The following IGF1 variants were observed in gnomAD, a reference collection of about 807,000 sequenced individuals.
IGF1 encodes insulin like growth factor 1.
In IGF1, 4 loss-of-function variants were observed where a neutral mutation model predicts 13.8. That is an observed-to-expected ratio of 0.29 (90% CI 0.14 to 0.66). The LOEUF (loss-of-function observed/expected upper bound fraction) is 0.66. Ranked by LOEUF, IGF1 falls within the 30% of genes least tolerant of loss-of-function variation. The probability of loss-of-function intolerance (pLI) is 0.78; values close to 1 mark genes in which losing one functional copy is unlikely to be tolerated. For missense variants in IGF1, 124 were observed against 188.5 expected (o/e 0.66, Z 2.00); for synonymous variants, 76 against 72.6 (o/e 1.05, Z -0.23).
intron 2 of IGF1, among the ~76,000 whole-genome samples, chr12:102,446,948 G>T (rs1818302076): frequency 6.6e-6 from 1 of 152,016 alleles, no homozygotes; most frequent in Non-Finnish European, 1.5e-5. Context: ...TGGTTTCTAA[G>T]AACTTATTTA....
At chr12:102,413,463 C>T (rs1355521492) in intron 3 of IGF1, among the ~76,000 whole-genome samples, 1 of 152,152 alleles carries the variant, frequency 6.6e-6, no homozygotes, top group Non-Finnish European at 1.5e-5. Flanking sequence ...AGGGGAATTG[C>T]TCTTTGGGAG....
chr12:102,464,305 G>C (rs1413673425), intron 2 of IGF1, among the ~76,000 whole-genome samples: 1 of 142,056 alleles, frequency 7.0e-6, no homozygotes. Flanking sequence ...AAGTAGACTT[G>C]TTGACTTTTT....
rs376414192 is a variant in IGF1 at position 102,475,743 on chromosome 12, G to A, written c.120C>T (p.Leu40=). ...SHLFYLALCL[L]TFTSSATAGP... ...CAGCCGTGGCAGAGCTGGTGAAGGT[G>A]AGCAGGCACAGCGCCAGGTAGAAGA... Residue 40 remains leucine, a synonymous_variant, in exon 2 of 4, where the codon CTC becomes CTT. Transcript: ENST00000337514. The A allele has an allele frequency of 7.4e-6, 12 of 1,614,082 alleles. No individual in the cohort carries two copies. The highest frequency in any genetic ancestry group is 2.2e-5 in the East Asian group (1 of 44,892).
chr12:102,465,620 G>A (rs1051554750), intron 2 of IGF1, among the ~76,000 whole-genome samples: 1 of 152,194 alleles, frequency 6.6e-6, no homozygotes, highest in Non-Finnish European at 1.5e-5. Context: ...TGCCTGACAA[G>A]GGAACAGCCA....
intron 2 of IGF1, among the ~76,000 whole-genome samples, chr12:102,469,263 A>G (rs367851614): frequency 1.8e-4 from 27 of 152,190 alleles, no homozygotes; most frequent in Admixed American, 1.8e-3. Flanking sequence ...CCCAAGAAAA[A>G]GTTTGGTCCA....
At chr12:102,418,260 CA>C (rs1467359267) in intron 3 of IGF1, among the ~76,000 whole-genome samples, 2 of 152,246 alleles carry the variant, frequency 1.3e-5, no homozygotes, top group Admixed American at 1.3e-4. Context: ...TTTGCCCCAG[CA>C]AGCACGCTTT....
rs771539291 is a variant in IGF1 at position 102,418,036 on chromosome 12, A to G, written c.402+1473T>C. On this transcript the variant is annotated intron_variant, in intron 3 of 3. Transcript: ENST00000337514. ...CATCACAAAAATAATTGCATTGAGA[A>G]CAAGTGGTTCCCATGGTGTCCCTTT... The G allele has an allele frequency of 2.0e-4, 320 of 1,602,112 alleles. 1 individual carries two copies. Among genetic ancestry groups the G allele is most frequent in the Non-Finnish European group, 2.7e-4 (317 of 1,176,652 alleles).
rs927633724 is a variant in IGF1 at position 102,397,907 on chromosome 12, G to A, written c.*4600C>T. The A allele has an allele frequency of 1.3e-5, 2 of 152,104 alleles. No homozygotes were observed. Among genetic ancestry groups the A allele is most frequent in the Non-Finnish European group, 2.9e-5 (2 of 67,992 alleles). 9.4% of individuals were successfully genotyped at this position (152,104 alleles called of 1,614,324 possible). A position where few individuals can be genotyped will look rare whatever the true frequency, so the allele number is the denominator to read the frequency against. On this transcript the variant is annotated 3_prime_UTR_variant, in exon 4 of 4. Coordinates refer to ENST00000337514, the MANE Select transcript of IGF1 (RefSeq NM_000618.5). ...GCACAATCTTTTAAGATTAAAAATA[G>A]CAAAACATTTTAAATAGTCTGATTA...
intron 2 of IGF1, among the ~76,000 whole-genome samples, chr12:102,425,143 A>G (rs568663036): frequency 7.9e-5 from 12 of 152,216 alleles, no homozygotes; most frequent in Non-Finnish European, 1.2e-4. Flanking sequence ...ATTTTCTAAT[A>G]TATCTATTGC....
In IGF1 at chr12:102,401,387, C is replaced by T. The variant is rs1208983972; in HGVS notation, c.*1120G>A. 6.6e-6 allele frequency: 1 copy of T among 152,578 alleles called. No individual in the cohort carries two copies. Among genetic ancestry groups the T allele is most frequent in the Admixed American group, 6.6e-5 (1 of 15,266 alleles). 9.5% of individuals were successfully genotyped at this position (152,578 alleles called of 1,614,324 possible). On this transcript the variant is annotated 3_prime_UTR_variant, in exon 4 of 4. Transcript: ENST00000337514. The stretch of plus-strand genomic sequence containing the variant: ...CTTTTTCCATTCCACAGTTTCCTCT[C>T]TGGACTCGCCAGTCCAATTTGCATC...
intron 2 of IGF1, among the ~76,000 whole-genome samples, chr12:102,454,146 C>T (rs1879189064): frequency 1.3e-5 from 2 of 152,212 alleles, no homozygotes; most frequent in South Asian, 4.1e-4. Flanking sequence ...ATGTGCTCTT[C>T]TATTGAGTTA....
intron 3 of IGF1, chr12:102,417,576 T>A (rs997066462): frequency 1.4e-4 from 175 of 1,222,128 alleles, no homozygotes; most frequent in South Asian, 5.7e-4. Context: ...TTTTTATTTT[T>A]TTTTTTCATT....
intron 2 of IGF1, among the ~76,000 whole-genome samples, chr12:102,449,517 C>T (rs903257886): frequency 1.3e-5 from 2 of 151,674 alleles, no homozygotes; most frequent in African/African-American, 2.4e-5. Context: ...ACATTCTGCA[C>T]GTTTCCCAGA....
chr12:102,476,767 C>T (rs973531565), intron 1 of IGF1, among the ~76,000 whole-genome samples: 1 of 152,196 alleles, frequency 6.6e-6, no homozygotes, highest in Non-Finnish European at 1.5e-5. Flanking sequence ...CCCTGGTTGG[C>T]ATGACTTAGT....
At chr12:102,405,918 A>G (rs1035606462) in intron 3 of IGF1, among the ~76,000 whole-genome samples, 1 of 152,242 alleles carries the variant, frequency 6.6e-6, no homozygotes, top group Non-Finnish European at 1.5e-5. Flanking sequence ...TTTGTCTCCA[A>G]TAGAGAGATT....
chr12:102,458,730 C>CAAAA (rs397825972), intron 2 of IGF1, among the ~76,000 whole-genome samples: 1 of 73,428 alleles, frequency 1.4e-5, no homozygotes, highest in Non-Finnish European at 2.4e-5. Context: ...GAACACTGAC[C>CAAAA]AAAAAAAAAA....
chr12:102,437,135 G>GA (rs1877318084), intron 2 of IGF1, among the ~76,000 whole-genome samples: 1 of 152,232 alleles, frequency 6.6e-6, no homozygotes, highest in African/African-American at 2.4e-5. Flanking sequence ...AAAGACAGAG[G>GA]AAAAATGACC....
In IGF1 at chr12:102,398,483, T is replaced by C. The variant is rs35528193; in HGVS notation, c.*4024A>G. 13 of 152,364 alleles carry C rather than the reference T, an allele frequency of 8.5e-5. 1 individual carries two copies. The highest frequency in any genetic ancestry group is 1.3e-4 in the Admixed American group (2 of 15,304). The allele number at this position is 152,364 out of a possible 1,614,324, so 9.4% of individuals were successfully genotyped here. A position where few individuals can be genotyped will look rare whatever the true frequency, so the allele number is the denominator to read the frequency against. On this transcript the variant is annotated 3_prime_UTR_variant, in exon 4 of 4. Coordinates refer to ENST00000337514, the MANE Select transcript of IGF1 (RefSeq NM_000618.5). The stretch of plus-strand genomic sequence containing the variant: ...TCTTTTAAATTCTTCTATTTGCCTA[T>C]AAGATCTTTTTTCCCGCGTTTATTC...
rs1555244052 is a variant in IGF1 at position 102,441,915 on chromosome 12, C to CTTCTTCTTCTT, written c.221-22226_221-22225insAAGAAGAAGAA. ...GTCATTCTATTACACTGCTTCTTCT[C>CTTCTTCTTCTT]CTTCTTCTTCTTCTTCTTCTTCTTC... On this transcript the variant is annotated intron_variant, in intron 2 of 3. Transcript: ENST00000337514. 2.9e-3 allele frequency among the ~76,000 whole-genome samples: 351 copies of CTTCTTCTTCTT among 122,142 alleles called. 3 individuals are homozygous for CTTCTTCTTCTT. The highest frequency in any genetic ancestry group is 7.4e-3 in the Middle Eastern group (2 of 270). The allele number at this position is 122,142 out of a possible 152,430, so 80.1% of individuals were successfully genotyped here.
Sources: allele counts gnomAD v4.1 joint callset (sites outside exome capture counted in the v4.1 genomes callset), GRCh38; gene constraint gnomAD v4.1.1; transcripts MANE v1.5; gene names NCBI Gene and HGNC (gene_info 2026-07-23, HGNC 2026-07-21).